Variants in DOCK11 observed in about 807,000 individuals in gnomAD.
DOCK11 encodes the protein dedicator of cytokinesis protein 11.
A neutral mutation model predicts 169.1 loss-of-function variants in DOCK11; 70 were observed. The ratio of observed to expected loss-of-function variants is 0.41; its 90% CI spans 0.34 to 0.51. The LOEUF (loss-of-function observed/expected upper bound fraction) is 0.51, where lower values mean the gene tolerates loss of function less well. Among genes scored for constraint, DOCK11 ranks in the 20% least tolerant of loss-of-function variants. The pLI, the probability that DOCK11 is intolerant of heterozygous loss-of-function variation, is 0.10. For missense variants in DOCK11, 1,166 were observed against 1,538.8 expected, an observed-to-expected ratio of 0.76 and a Z score of 4.05; for synonymous variants, 529 against 541.3, an observed-to-expected ratio of 0.98 and a Z score of 0.32.
intron 1 of DOCK11, among the ~76,000 whole-genome samples, chrX:118,522,003 A>C (rs1333919721): frequency 8.9e-6 from 1 of 112,141 alleles, no homozygotes; most frequent in Non-Finnish European, 1.9e-5. Context: ...GAATTCACAA[A>C]ACTGCTGCAG....
At chrX:118,647,521 A>G (rs1328960807) in intron 40 of DOCK11, among the ~76,000 whole-genome samples, 2 of 48,472 alleles carry the variant, frequency 4.1e-5, no homozygotes, top group Non-Finnish European at 6.6e-5. Context: ...ATAATATAAT[A>G]TATAATATAA....
chrX:118,547,571 T>C lies in DOCK11; in HGVS notation c.558+1455T>C, dbSNP rs1204691387. On this transcript the variant is annotated intron_variant, in intron 6 of 52. Transcript: ENST00000276202. ...TAATTCTCATGGCTGCCCTATGCAA[T>C]AGGTACTGCTAACTATTCTTAGTTT... Among the ~76,000 whole-genome samples the C allele has an allele frequency of 7.1e-5, 8 of 112,226 alleles. No homozygotes were observed. The Admixed American group carries it at 7.6e-4, about 11-fold the overall frequency.
At chrX:118,566,539 A>G (rs369447158) in intron 8 of DOCK11, 35 bp from the exon 9 acceptor site, 1 of 1,173,628 alleles carries the variant, frequency 8.5e-7, no homozygotes, top group Non-Finnish European at 1.2e-6. Context: ...AATGGTCTGT[A>G]TGGTTTAGAA....
chrX:118,636,998 G>A (rs2015407740), intron 36 of DOCK11, among the ~76,000 whole-genome samples: 1 of 112,343 alleles, frequency 8.9e-6, no homozygotes, highest in South Asian at 3.6e-4. Flanking sequence ...AGAATGAAAT[G>A]CAATAAATTT....
chrX:118,597,004 G>A (rs997415505), intron 20 of DOCK11, among the ~76,000 whole-genome samples: 4 of 111,953 alleles, frequency 3.6e-5, no homozygotes, highest in African/African-American at 6.5e-5. Context: ...AGTCTCAGCC[G>A]TGAGACTCTG....
chrX:118,571,427 T>A (rs2013270481), intron 10 of DOCK11, among the ~76,000 whole-genome samples: 1 of 109,587 alleles, frequency 9.1e-6, no homozygotes, highest in Non-Finnish European at 1.9e-5. Context: ...CATAGCTCAC[T>A]GCAGTCTTGA....
intron 40 of DOCK11, among the ~76,000 whole-genome samples, chrX:118,645,119 A>G (rs1287497090): frequency 9.0e-6 from 1 of 111,717 alleles, no homozygotes; most frequent in Non-Finnish European, 1.9e-5. Flanking sequence ...CAGGGGAAAG[A>G]CTACATTTGC....
chrX:118,660,569 A>G (rs1454438489), intron 44 of DOCK11, among the ~76,000 whole-genome samples: 2 of 109,803 alleles, frequency 1.8e-5, no homozygotes, highest in Non-Finnish European at 3.8e-5. Flanking sequence ...GGTTCACGCC[A>G]TTCTCCTGCC....
chrX:118,515,381 G>T (rs776042961), intron 1 of DOCK11, among the ~76,000 whole-genome samples: 21 of 111,334 alleles, frequency 1.9e-4, no homozygotes, highest in Non-Finnish European at 1.9e-4. Context: ...TTACAGGCAT[G>T]CACCACCATG....
rs1011741635 is a variant in DOCK11, at chrX:118,627,746, G to T, written c.3664+167G>T. On this transcript the variant is annotated intron_variant, in intron 33 of 52. Transcript: ENST00000276202. Reference sequence around the variant, plus strand: ...CTTGCAGTCAAATTTATTTGCCTAGGTTTCCTTGTCTAAGCTTATTTAGAA... The same window carrying T: ...CTTGCAGTCAAATTTATTTGCCTAGTTTTCCTTGTCTAAGCTTATTTAGAA... Among the ~76,000 whole-genome samples, 3 of 112,063 alleles carry T rather than the reference G, an allele frequency of 2.7e-5. No homozygotes were observed. In the East Asian group the frequency reaches 8.3e-4, roughly 31 times the overall value.
chrX:118,620,562 T>G (rs965655948), intron 31 of DOCK11, among the ~76,000 whole-genome samples: 1 of 112,585 alleles, frequency 8.9e-6, no homozygotes, highest in Non-Finnish European at 1.9e-5. Context: ...GTTTGCTTTG[T>G]TTTTGACACA....
intron 45 of DOCK11, among the ~76,000 whole-genome samples, chrX:118,664,674 T>G (rs1324810693): frequency 3.6e-5 from 4 of 110,053 alleles, no homozygotes; most frequent in Admixed American, 2.9e-4. Flanking sequence ...AATATGAAAC[T>G]GAATCTAAGG....
chrX:118,525,839 G>T (rs1937174), intron 1 of DOCK11, among the ~76,000 whole-genome samples: 2,603 of 111,105 alleles, frequency 0.023, 50 homozygotes, highest in South Asian at 0.067. Context: ...AAAAGAAAAA[G>T]AACGTAACAC....
rs769062028 is a variant in DOCK11, at chrX:118,618,555, A to C, written c.3298A>C (p.Asn1100His). The change falls in exon 31 of 53, where the codon AAT becomes CAT. Residue 1100 changes from asparagine to histidine, a missense_variant. By Grantham distance (68) the Asn-to-His change is moderately conservative. Coordinates refer to ENST00000276202, the MANE Select transcript of DOCK11 (RefSeq NM_144658.4). ...KPKLQRVQDS[N>H]LEYSLSDEYC... ...TAAATTTCATTGTACTGCAGATTCA[A>C]ATCTTGAATACAGTTTATCAGATGA... The C allele has an allele frequency of 4.2e-6, 5 of 1,189,440 alleles. No homozygotes were observed. Among genetic ancestry groups the C allele is most frequent in the Admixed American group, 2.3e-5 (1 of 42,882 alleles).
At chrX:118,503,613 C>T (rs1420946788) in intron 1 of DOCK11, among the ~76,000 whole-genome samples, 1 of 110,805 alleles carries the variant, frequency 9.0e-6, no homozygotes, top group Admixed American at 9.6e-5. Flanking sequence ...AGGGAGTTGT[C>T]AGGGCAAAGC....
intron 46 of DOCK11, among the ~76,000 whole-genome samples, chrX:118,674,170 A>G (rs904141663): frequency 9.0e-6 from 1 of 111,131 alleles, no homozygotes; most frequent in Non-Finnish European, 1.9e-5. Flanking sequence ...TTTTTAATTG[A>G]GACAGAATCT....
intron 30 of DOCK11, among the ~76,000 whole-genome samples, chrX:118,617,404 A>G (rs1397032887): frequency 9.1e-6 from 1 of 109,818 alleles, no homozygotes; most frequent in East Asian, 2.9e-4. Flanking sequence ...AGGCAGCAGA[A>G]TTGCTTGAAC....
At chrX:118,549,106 C>CTGTGTGTGTG (rs57680469) in intron 6 of DOCK11, among the ~76,000 whole-genome samples, 43,003 of 98,529 alleles carry the variant, frequency 0.44, 7,573 homozygotes, top group Non-Finnish European at 0.5. Flanking sequence ...TGCTCATATT[C>CTGTGTGTGTG]TGTGTGTGTG....
intron 46 of DOCK11, 44 bp from the exon 47 acceptor site, chrX:118,675,892 A>C: frequency 1.2e-6 from 1 of 829,381 alleles, no homozygotes; most frequent in Non-Finnish European, 1.7e-6. Context: ...ACATTTAGTA[A>C]TTAAACAAAA....
Sources: gnomAD v4.1 joint callset for allele counts (sites outside exome capture counted in the v4.1 genomes callset) on GRCh38, gnomAD v4.1.1 for gene constraint, MANE v1.5 for transcripts, NCBI Gene and HGNC (gene_info 2026-07-23, HGNC 2026-07-21) for gene names.